Variants in PCNX2 observed in about 807,000 individuals in gnomAD.
The protein encoded by PCNX2 is pecanex-like protein 2.
PCNX2 carries 168 observed loss-of-function variants against 223.8 expected under a neutral mutation model. That is an observed-to-expected ratio of 0.75 (90% CI 0.66 to 0.85). The LOEUF (loss-of-function observed/expected upper bound fraction) is 0.85. PCNX2 is among the 40% of genes least tolerant of loss of function. The pLI is 0.00. For synonymous variants in PCNX2, 1,006 were observed against 1,052.6 expected (o/e 0.96, Z 0.86); for missense variants, 2,507 against 2,675.5 (o/e 0.94, Z 1.39).
rs771301524 is a variant in PCNX2, at chr1:233,295,425, G to A, written c.54C>T (p.Thr18=). 2.6e-5 allele frequency: 40 copies of A among 1,551,790 alleles called. No homozygotes were observed. Among genetic ancestry groups the A allele is most frequent in the Non-Finnish European group, 3.3e-5 (38 of 1,147,286 alleles). The change falls in exon 1 of 34, where the codon ACC becomes ACT. Residue 18 remains threonine (T), a synonymous_variant. Transcript: ENST00000258229. The surrounding 1 kb of genome is among the most constrained non-coding windows in gnomAD (Gnocchi z 4.1). Reference sequence around the variant, plus strand: ...GCTCCGGGTCGTGGTACCAGCCCCCGGTGAGCGCGGCCCACACGCCCTGCC... The same window carrying A: ...GCTCCGGGTCGTGGTACCAGCCCCCAGTGAGCGCGGCCCACACGCCCTGCC... ...LLRQGVWAAL[T]GGWYHDPEQS...
intron 21 of PCNX2, among the ~76,000 whole-genome samples, chr1:233,121,530 C>A (rs1302702011): frequency 1.3e-5 from 2 of 152,112 alleles, no homozygotes; most frequent in Non-Finnish European, 2.9e-5. Flanking sequence ...AAGACCCATA[C>A]AAATATGGTC....
chr1:233,272,912 A>T (rs1329767396), intron 1 of PCNX2, among the ~76,000 whole-genome samples: 1 of 152,178 alleles, frequency 6.6e-6, no homozygotes, highest in Admixed American at 6.5e-5. Flanking sequence ...ACCAAATACC[A>T]TATGCTCTCA....
At chr1:233,108,072 A>G (rs2102971147) in intron 21 of PCNX2, among the ~76,000 whole-genome samples, 1 of 152,316 alleles carries the variant, frequency 6.6e-6, no homozygotes, top group East Asian at 1.9e-4. Flanking sequence ...AAAAGGGGAG[A>G]CATGAATATT....
intron 21 of PCNX2, among the ~76,000 whole-genome samples, chr1:233,110,106 A>T (rs1675034677): frequency 6.6e-6 from 1 of 152,138 alleles, no homozygotes; most frequent in Non-Finnish European, 1.5e-5. Flanking sequence ...AAAAAAAATT[A>T]AAAAAAGGAA....
chr1:233,186,081 C>A (rs1680078923), intron 15 of PCNX2, among the ~76,000 whole-genome samples: 1 of 152,128 alleles, frequency 6.6e-6, no homozygotes, highest in Admixed American at 6.6e-5. Context: ...GTTTTAGACA[C>A]CTCTTATGTT....
rs1223500680 is a variant in PCNX2, at chr1:233,253,659, C to A, written c.1835-871G>T. On this transcript the variant is annotated intron_variant, in intron 5 of 33. Transcript: ENST00000258229. The surrounding 1 kb of genome is among the most constrained non-coding windows in gnomAD (Gnocchi z 4.2). ...CCACACCCGGCCTGCTGATTTTGAA[C>A]AATATGCTTAGCACTGTGTAGGACA... is the stretch of plus-strand genomic sequence containing the variant. Among the ~76,000 whole-genome samples, 3 of 152,192 alleles carry A rather than the reference C, an allele frequency of 2.0e-5. No individual in the cohort carries two copies. Among genetic ancestry groups the A allele is most frequent in the Non-Finnish European group, 4.4e-5 (3 of 68,038 alleles).
intron 12 of PCNX2, among the ~76,000 whole-genome samples, chr1:233,213,715 A>G (rs1392236493): frequency 1.3e-5 from 2 of 152,044 alleles, no homozygotes; most frequent in East Asian, 1.9e-4. Context: ...AGGAATCAAG[A>G]CACATATGTA....
chr1:233,000,580 A>C lies in PCNX2; in HGVS notation c.5098-45T>G. Reference sequence around the variant, plus strand: ...GTGTGGGCTGGGCAAGGACCAGAGGAACTCACCCCCAGGAAGCATGCAGAT... The same window carrying C: ...GTGTGGGCTGGGCAAGGACCAGAGGCACTCACCCCCAGGAAGCATGCAGAT... On this transcript the variant is annotated intron_variant, in intron 29 of 33. Coordinates refer to ENST00000258229, the MANE Select transcript of PCNX2 (RefSeq NM_014801.4). This position sits in a 1 kb window ranked among gnomAD's most constrained non-coding sequence, Gnocchi z 4.6. 1 of 1,505,682 alleles carries C rather than the reference A, an allele frequency of 6.6e-7. No individual in the cohort carries two copies. Among genetic ancestry groups the C allele is most frequent in the East Asian group, 2.4e-5 (1 of 41,044 alleles). The allele number at this position is 1,505,682 out of a possible 1,614,324, so 93.3% of individuals were successfully genotyped here.
In PCNX2 at chr1:233,014,157, A is replaced by G. The variant is rs113158362; in HGVS notation, c.4952+508T>C. Among the ~76,000 whole-genome samples the G allele has an allele frequency of 6.0e-3, 907 of 152,318 alleles. 11 individuals carry two copies. Among genetic ancestry groups the G allele is most frequent in the African/African-American group, 0.021 (874 of 41,562 alleles). ...TTAAAAAGACAGACGTGAGCTATTT[A>G]CCCACTGAGGGGAGAGACCCAGTAG... is the stretch of plus-strand genomic sequence containing the variant. On this transcript the variant is annotated intron_variant, in intron 28 of 33. Transcript: ENST00000258229.
rs375868906 is a variant in PCNX2 at position 233,074,589 on chromosome 1, C to T, written c.4076+15472G>A. ...CAGCCTGGGCGACAGAGCGAGACTC[C>T]GTCTCAAAAAAAAAAAAAAAAAAAA... On this transcript the variant is annotated intron_variant, in intron 23 of 33. Coordinates refer to ENST00000258229, the MANE Select transcript of PCNX2 (RefSeq NM_014801.4). Among the ~76,000 whole-genome samples the T allele has an allele frequency of 2.5e-3, 225 of 91,206 alleles. 3 individuals carry two copies. The highest frequency in any genetic ancestry group is 0.011 in the Middle Eastern group (1 of 88). The allele number at this position is 91,206 out of a possible 152,430, so 59.8% of individuals were successfully genotyped here. A position where few individuals can be genotyped will look rare whatever the true frequency, so the allele number is the denominator to read the frequency against.
chr1:233,053,932 C>T (rs887498646), intron 25 of PCNX2, among the ~76,000 whole-genome samples: 3 of 152,270 alleles, frequency 2.0e-5, no homozygotes, highest in Middle Eastern at 3.4e-3. Flanking sequence ...AGAACAAGGT[C>T]GGGCTGACTC....
intron 17 of PCNX2, among the ~76,000 whole-genome samples, chr1:233,171,540 A>G (rs754829591): frequency 6.6e-6 from 1 of 152,146 alleles, no homozygotes; most frequent in Non-Finnish European, 1.5e-5. Flanking sequence ...AGGGCTCTTG[A>G]TAAGGGAGCT....
At chr1:233,221,744 C>T (rs1657392886) in intron 10 of PCNX2, among the ~76,000 whole-genome samples, 1 of 152,166 alleles carries the variant, frequency 6.6e-6, no homozygotes, top group African/African-American at 2.4e-5. Context: ...GAGGACACAA[C>T]TCAGAGTGAG....
intron 12 of PCNX2, among the ~76,000 whole-genome samples, chr1:233,214,579 A>G (rs1682011014): frequency 6.6e-6 from 1 of 152,106 alleles, no homozygotes; most frequent in African/African-American, 2.4e-5. Flanking sequence ...CTAGTTTTTC[A>G]CTGTCTCTTG....
rs553628855 is a variant in PCNX2, at chr1:233,148,226, C to T, written c.3518-8371G>A. On this transcript the variant is annotated intron_variant, in intron 19 of 33. Transcript: ENST00000258229. ...AAAACATTTCAGGTAAAGATTCATC[C>T]CAAGGCACGGTTTTCCTGGTGGGTG... Among the ~76,000 whole-genome samples the T allele has an allele frequency of 5.4e-3, 817 of 152,158 alleles. 10 individuals carry two copies. Among genetic ancestry groups the T allele is most frequent in the African/African-American group, 0.018 (740 of 41,490 alleles).
chr1:233,010,280 A>C (rs1029197620), intron 28 of PCNX2, among the ~76,000 whole-genome samples: 2 of 152,216 alleles, frequency 1.3e-5, no homozygotes, highest in African/African-American at 4.8e-5. Context: ...TGGTAGATGG[A>C]GTGACCTCAG....
At chr1:233,252,278 A>G in intron 7 of PCNX2, 76 bp downstream of exon 7, 2 of 1,461,308 alleles carry the variant, frequency 1.4e-6, no homozygotes, top group African/African-American at 1.4e-5. Flanking sequence ...TACTCATGCT[A>G]AGGTATCACA....
At chr1:233,119,667 A>T (rs1675653042) in intron 21 of PCNX2, among the ~76,000 whole-genome samples, 1 of 151,956 alleles carries the variant, frequency 6.6e-6, no homozygotes, top group African/African-American at 2.4e-5. Context: ...AAAAAACAGG[A>T]GAAAATCTTG....
chr1:233,015,115 C>G (rs988300899), intron 27 of PCNX2, among the ~76,000 whole-genome samples: 6 of 152,172 alleles, frequency 3.9e-5, no homozygotes, highest in African/African-American at 7.2e-5. Flanking sequence ...TTAACACTCT[C>G]CAATGCAAAG....
Sources: gnomAD v4.1 joint callset for allele counts (sites outside exome capture counted in the v4.1 genomes callset) on GRCh38, gnomAD v4.1.1 for gene constraint, Gnocchi (gnomAD v3.1) non-coding constraint, MANE v1.5 for transcripts, NCBI Gene and HGNC (gene_info 2026-07-23, HGNC 2026-07-21) for gene names.